The following MRTFB variants were observed in gnomAD, a reference collection of about 807,000 sequenced individuals.
MRTFB encodes the protein myocardin-related transcription factor B.
A neutral mutation model predicts 104.2 loss-of-function variants in MRTFB; 29 were observed. The observed-to-expected ratio is 0.28, with a 90% CI of 0.21 to 0.38. The LOEUF is 0.38. Among genes scored for constraint, MRTFB ranks in the 10% least tolerant of loss-of-function variants. The probability of loss-of-function intolerance (pLI) is 1.00; values close to 1 mark genes in which losing one functional copy is unlikely to be tolerated. For synonymous variants in MRTFB, 535 were observed against 519.5 expected, an observed-to-expected ratio of 1.03 and a Z score of -0.41; for missense variants, 1,270 against 1,341.6, an observed-to-expected ratio of 0.95 and a Z score of 0.83.
At chr16:14,245,078 G>A (rs1256539413) in intron 10 of MRTFB, among the ~76,000 whole-genome samples, 1 of 152,078 alleles carries the variant, frequency 6.6e-6, no homozygotes, top group African/African-American at 2.4e-5. Flanking sequence ...TTGAAGTCCC[G>A]CCCTCTCTCC....
At chr16:14,122,703 G>T (rs1237456720) in intron 2 of MRTFB, among the ~76,000 whole-genome samples, 1 of 152,110 alleles carries the variant, frequency 6.6e-6, no homozygotes, top group African/African-American at 2.4e-5. Flanking sequence ...ACGGACATTT[G>T]GGTTGGTTTC....
intron 3 of MRTFB, among the ~76,000 whole-genome samples, chr16:14,195,199 A>C (rs2040379319): frequency 6.6e-6 from 1 of 152,212 alleles, no homozygotes; most frequent in Non-Finnish European, 1.5e-5. Context: ...ACTTTTCTCC[A>C]CATACTACTG....
chr16:14,194,872 G>A (rs572976305), intron 3 of MRTFB, among the ~76,000 whole-genome samples: 29 of 152,212 alleles, frequency 1.9e-4, no homozygotes, highest in East Asian at 9.6e-4. Flanking sequence ...TGTGGTGATA[G>A]CCGTAAAGCT....
Position 14,221,345 on chromosome 16 carries a change from C to A in MRTFB, c.693+2347C>A, listed in dbSNP as rs553962279. ...ATATACTTACTTTCATATTCGTAGC[C>A]CAAGGGGAAAGGACCTTGACACATT... On this transcript the variant is annotated intron_variant, in intron 8 of 16. Transcript: ENST00000571589. Among the ~76,000 whole-genome samples the A allele has an allele frequency of 8.5e-5, 13 of 152,102 alleles. No individual in the cohort carries two copies. The Middle Eastern group carries it at 0.014, about 159-fold the overall frequency.
chr16:14,107,044 A>G (rs1255631195), intron 2 of MRTFB, among the ~76,000 whole-genome samples: 1 of 152,212 alleles, frequency 6.6e-6, no homozygotes, highest in Non-Finnish European at 1.5e-5. Context: ...AGTTAAAACC[A>G]AAAGAGTTGA....
chr16:14,018,462 T>C, the MRTFB span, among the ~76,000 whole-genome samples: 1 of 152,234 alleles, frequency 6.6e-6, no homozygotes, highest in Non-Finnish European at 1.5e-5. Context: ...TCATTAATTC[T>C]AGATCCAACA....
intron 2 of MRTFB, among the ~76,000 whole-genome samples, chr16:14,128,524 ACAACAG>A (rs1455036883): frequency 6.6e-6 from 1 of 152,172 alleles, no homozygotes; most frequent in Non-Finnish European, 1.5e-5. Flanking sequence ...AAAAAGGAAA[ACAACAG>A]CAACAGCAAC....
At chr16:14,075,343 C>T (rs1940363099) in intron 1 of MRTFB, among the ~76,000 whole-genome samples, 1 of 152,214 alleles carries the variant, frequency 6.6e-6, no homozygotes, top group Non-Finnish European at 1.5e-5. Context: ...CCCACACCAT[C>T]AGCACGTCAG....
chr16:14,101,217 CAT>C (rs1472518511), intron 2 of MRTFB, among the ~76,000 whole-genome samples: 2 of 149,284 alleles, frequency 1.3e-5, no homozygotes, highest in East Asian at 2.0e-4. Context: ...CTCTCTAAGA[CAT>C]ATAAGATATT....
chr16:14,150,759 TA>T, intron 3 of MRTFB: 1 of 152,352 alleles, frequency 6.6e-6, no homozygotes, highest in Middle Eastern at 3.4e-3. Context: ...AGTCTGTTTA[TA>T]AAATGAATCA....
intron 8 of MRTFB, among the ~76,000 whole-genome samples, chr16:14,219,475 AAT>A (rs1567181223): frequency 6.6e-6 from 1 of 152,192 alleles, no homozygotes; most frequent in African/African-American, 2.4e-5. Flanking sequence ...CTGAAATTTT[AAT>A]AGTGTTATTT....
chr16:14,204,193 C>T (rs2040841078), intron 3 of MRTFB, among the ~76,000 whole-genome samples: 1 of 152,030 alleles, frequency 6.6e-6, no homozygotes, highest in Non-Finnish European at 1.5e-5. Context: ...CCAGGCTGTT[C>T]TCAAACTCCT....
intron 15 of MRTFB, 117 bp downstream of exon 15, chr16:14,252,619 A>C: frequency 8.2e-7 from 1 of 1,215,274 alleles, no homozygotes; most frequent in Non-Finnish European, 1.1e-6. Context: ...TAGAAATACA[A>C]AAATAACCTT....
chr16:14,255,873 G>A (rs970646754), intron 15 of MRTFB, among the ~76,000 whole-genome samples: 1 of 151,938 alleles, frequency 6.6e-6, no homozygotes, highest in African/African-American at 2.4e-5. Context: ...CAACACCTTG[G>A]GAGGCGAAGT....
chr16:14,223,746 T>C (rs1036854791), intron 8 of MRTFB, among the ~76,000 whole-genome samples: 3 of 152,158 alleles, frequency 2.0e-5, no homozygotes, highest in African/African-American at 7.2e-5. Context: ...GCGATCAATG[T>C]ATTCACTATG....
the MRTFB span, among the ~76,000 whole-genome samples, chr16:14,017,706 TATATA>T: frequency 2.2e-3 from 70 of 31,402 alleles, 1 homozygote; most frequent in Non-Finnish European, 4.8e-3. Flanking sequence ...TATATATATA[TATATA>T]TTTTTTTTTT....
At chr16:14,028,875 C>T in the MRTFB span, among the ~76,000 whole-genome samples, 12 of 152,192 alleles carry the variant, frequency 7.9e-5, no homozygotes, top group African/African-American at 2.9e-4. Context: ...TTTCACCTTA[C>T]TCCTCACCAT....
chr16:14,017,712 T>TATATATATA, the MRTFB span, among the ~76,000 whole-genome samples: 37 of 9,948 alleles, frequency 3.7e-3, 1 homozygote, highest in South Asian at 7.5e-3. Flanking sequence ...TATATATATA[T>TATATATATA]TTTTTTTTTT....
intron 3 of MRTFB, among the ~76,000 whole-genome samples, chr16:14,193,210 C>CAAAAAA (rs10616011): frequency 1.2e-4 from 7 of 56,438 alleles, no homozygotes; most frequent in Non-Finnish European, 2.2e-4. Flanking sequence ...GACCCTGTCT[C>CAAAAAA]AAAAAAAAAA....
Sources: allele counts gnomAD v4.1 joint callset (sites outside exome capture counted in the v4.1 genomes callset), GRCh38; gene constraint gnomAD v4.1.1; transcripts MANE v1.5; gene names NCBI Gene and HGNC (gene_info 2026-07-23, HGNC 2026-07-21).